PCNX1: variants seen among roughly 807,000 people sequenced by gnomAD.
The protein encoded by PCNX1 is pecanex-like protein 1.
In PCNX1, 78 loss-of-function variants were observed where a neutral mutation model predicts 242.2. The observed-to-expected ratio is 0.32, with a 90% CI of 0.27 to 0.39. The LOEUF (loss-of-function observed/expected upper bound fraction) is 0.39. Ranked by LOEUF, PCNX1 falls within the 10% of genes least tolerant of loss-of-function variation. The pLI is 1.00. For missense variants in PCNX1, 2,581 were observed against 2,856.5 expected (o/e 0.90, Z 2.20); for synonymous variants, 1,024 against 1,032.9 (o/e 0.99, Z 0.17).
chr14:70,953,868 A>G (rs1230788199), intron 2 of PCNX1, among the ~76,000 whole-genome samples: 2 of 151,874 alleles, frequency 1.3e-5, no homozygotes, highest in African/African-American at 4.8e-5. Context: ...GGGTCTCACC[A>G]TGTTGGCCAG....
chr14:71,081,121 G>A (rs2061843867), intron 28 of PCNX1, among the ~76,000 whole-genome samples: 1 of 149,850 alleles, frequency 6.7e-6, no homozygotes, highest in Non-Finnish European at 1.5e-5. Flanking sequence ...CATCTATTGA[G>A]ATAATCATGT....
Position 70,928,677 on chromosome 14 carries a change from T to A in PCNX1, c.154-18238T>A, listed in dbSNP as rs75064336. ...TAAATCAAAACATTGTTAGTGCCTCTCAAGTTATATTCCTATATAGCCATT... is the reference window on the plus strand; with the variant it reads ...TAAATCAAAACATTGTTAGTGCCTCACAAGTTATATTCCTATATAGCCATT... On this transcript the variant is annotated intron_variant, in intron 1 of 35. Coordinates refer to ENST00000304743, the MANE Select transcript of PCNX1 (RefSeq NM_014982.3). Among the ~76,000 whole-genome samples, 1,212 of 152,306 alleles carry A rather than the reference T, an allele frequency of 8.0e-3. 10 individuals are homozygous for A. The highest frequency in any genetic ancestry group is 0.024 in the Middle Eastern group (7 of 294).
chr14:71,030,436 G>C (rs2140913032), intron 16 of PCNX1, among the ~76,000 whole-genome samples: 1 of 152,178 alleles, frequency 6.6e-6, no homozygotes, highest in Admixed American at 6.5e-5. Context: ...CCATCCGAGA[G>C]CTGCATGTTT....
chr14:71,105,890 A>G (rs1011462812), intron 33 of PCNX1, among the ~76,000 whole-genome samples: 18 of 148,126 alleles, frequency 1.2e-4, no homozygotes, highest in African/African-American at 4.4e-4. Context: ...CCATTTGTTC[A>G]TATTATTTTA....
At chr14:70,948,886 T>A (rs2057592847) in intron 2 of PCNX1, among the ~76,000 whole-genome samples, 1 of 148,664 alleles carries the variant, frequency 6.7e-6, no homozygotes, top group Non-Finnish European at 1.5e-5. Context: ...GATATGTGTA[T>A]ATATACACAC....
intron 1 of PCNX1, among the ~76,000 whole-genome samples, chr14:70,943,585 C>T (rs2057345045): frequency 6.6e-6 from 1 of 152,126 alleles, no homozygotes. Flanking sequence ...AATTTACAGC[C>T]TGATGATGCA....
At position 71,109,531 on chromosome 14, in the gene PCNX1, G is replaced by C; in HGVS notation, c.6824G>C (p.Arg2275Pro). The C allele has an allele frequency of 1.9e-6, 3 of 1,614,026 alleles. No individual in the cohort carries two copies. The highest frequency in any genetic ancestry group is 2.5e-6 in the Non-Finnish European group (3 of 1,179,922). ...KELQWPDEGI[R>P]LKAGRNSWKD... ...CTACAGTGGCCTGATGAAGGAATCC[G>C]GTTAAAAGCTGGGAGAAATAGCTGG... Residue 2275 changes from arginine to proline, a missense_variant, in exon 35 of 36, where the codon CGG becomes CCG. Physicochemically the swap from Arg to Pro is moderately radical, Grantham distance 103. Around this residue, in one of 9 missense-constraint regions of PCNX1, gnomAD observed 432 missense variants for 433.6 expected, o/e 1.00. Transcript: ENST00000304743.
intron 33 of PCNX1, among the ~76,000 whole-genome samples, chr14:71,105,821 G>A (rs923306484): frequency 1.3e-5 from 2 of 151,328 alleles, no homozygotes; most frequent in East Asian, 1.9e-4. Flanking sequence ...GATTACAGGC[G>A]TGAGCCACCA....
rs374155298 is a variant in PCNX1, at chr14:70,977,552, C to A, written c.1215C>A (p.Thr405=). 5 of 1,614,018 alleles carry A rather than the reference C, an allele frequency of 3.1e-6. No homozygotes were observed. In the African/African-American group the frequency reaches 5.3e-5, roughly 17 times the overall value. The change falls in exon 6 of 36, where the codon ACC becomes ACA. Residue 405 remains threonine, a synonymous_variant. Transcript: ENST00000304743. ...STVSSYKSEQ[T]SSTHIESILS... The stretch of plus-strand genomic sequence containing the variant: ...TCAGCAGCTATAAAAGTGAGCAGAC[C>A]AGCTCAACTCACATAGAGAGCATCC...
At chr14:70,961,281 G>A (rs2058202045) in intron 2 of PCNX1, among the ~76,000 whole-genome samples, 1 of 152,154 alleles carries the variant, frequency 6.6e-6, no homozygotes, top group Non-Finnish European at 1.5e-5. Flanking sequence ...CAAGGCTACA[G>A]TAACCAAAAC....
chr14:70,972,358 G>A (rs2058567063), intron 5 of PCNX1, among the ~76,000 whole-genome samples: 1 of 152,056 alleles, frequency 6.6e-6, no homozygotes, highest in Non-Finnish European at 1.5e-5. Flanking sequence ...CAGATTTCAG[G>A]TAAGAGGTCT....
At chr14:70,912,826 C>T (rs2055984491) in intron 1 of PCNX1, among the ~76,000 whole-genome samples, 2 of 152,174 alleles carry the variant, frequency 1.3e-5, no homozygotes, top group African/African-American at 4.8e-5. Context: ...ACTGGCCTTT[C>T]TGTTACTTTA....
Position 70,907,752 on chromosome 14 carries a change from T to C in PCNX1, c.-99T>C, listed in dbSNP as rs1252903801. On this transcript the variant is annotated 5_prime_UTR_variant, in exon 1 of 36. It removes the in-frame stop codon of an upstream open reading frame in the 5' UTR. Coordinates refer to ENST00000304743, the MANE Select transcript of PCNX1 (RefSeq NM_014982.3). ...GCTCACCCGGAGCTCCGGAGGTGGATAGACGGGGCAGCTGCAGGCTCCGGC... is the reference window on the plus strand; with the variant it reads ...GCTCACCCGGAGCTCCGGAGGTGGACAGACGGGGCAGCTGCAGGCTCCGGC... The C allele has an allele frequency of 1.7e-6, 2 of 1,169,044 alleles. No homozygotes were observed. The highest frequency in any genetic ancestry group is 2.1e-6 in the Non-Finnish European group (2 of 947,348). 72.4% of individuals were successfully genotyped at this position (1,169,044 alleles called of 1,614,324 possible). A position where few individuals can be genotyped will look rare whatever the true frequency, so the allele number is the denominator to read the frequency against.
chr14:71,058,858 T>C (rs901982615), intron 26 of PCNX1, among the ~76,000 whole-genome samples: 21 of 152,316 alleles, frequency 1.4e-4, no homozygotes, highest in African/African-American at 4.6e-4. Flanking sequence ...TCTTGCCTTA[T>C]GAATATTTGT....
At chr14:71,009,379 T>G (rs1165441655) in intron 8 of PCNX1, among the ~76,000 whole-genome samples, 1 of 152,208 alleles carries the variant, frequency 6.6e-6, no homozygotes, top group African/African-American at 2.4e-5. Context: ...AAAAAAGAGA[T>G]TGGTATTGCA....
chr14:71,099,584 T>G (rs559753485), intron 30 of PCNX1, among the ~76,000 whole-genome samples: 1 of 152,202 alleles, frequency 6.6e-6, no homozygotes, highest in Non-Finnish European at 1.5e-5. Flanking sequence ...ATTCTGTAGG[T>G]GTCTATTAGA....
At chr14:70,930,037 G>A (rs2056732390) in intron 1 of PCNX1, among the ~76,000 whole-genome samples, 1 of 151,898 alleles carries the variant, frequency 6.6e-6, no homozygotes, top group Admixed American at 6.6e-5. Context: ...TTTATTTGTT[G>A]GGTTTTTTTC....
intron 33 of PCNX1, among the ~76,000 whole-genome samples, chr14:71,108,267 T>C (rs1206681799): frequency 2.0e-5 from 3 of 152,236 alleles, no homozygotes; most frequent in Admixed American, 2.0e-4. Context: ...TCTTGTTATT[T>C]TAAAATGCTT....
rs2062521768 is a variant in PCNX1, at chr14:71,103,609, T to C, written c.6035T>C (p.Ile2012Thr). The C allele has an allele frequency of 6.2e-7, 1 of 1,614,018 alleles. No individual in the cohort carries two copies. The highest frequency in any genetic ancestry group is 1.1e-5 in the South Asian group (1 of 91,088). Residue 2012 changes from isoleucine (I) to threonine (T), a missense_variant, in exon 32 of 36, where the codon ATT (isoleucine) becomes ACT (threonine). By Grantham distance (89) the Ile-to-Thr change is moderately conservative (BLOSUM62 -1). Coordinates refer to ENST00000304743, the MANE Select transcript of PCNX1 (RefSeq NM_014982.3). ...YSDSHEQLKD[I>T]LGGPISLGNI... ...GACAGCCACGAACAGCTTAAAGACA[T>C]TCTTGGGGGTCCTATCAGCTTGGGA... is the stretch of plus-strand genomic sequence containing the variant.
Sources: gnomAD v4.1 joint callset for allele counts (sites outside exome capture counted in the v4.1 genomes callset) on GRCh38, gnomAD v4.1.1 for gene constraint, gnomAD v4.1.1 regional missense constraint, MANE v1.5 for transcripts, NCBI Gene and HGNC (gene_info 2026-07-23, HGNC 2026-07-21) for gene names.